PROM1: variants seen among roughly 807,000 people sequenced by gnomAD.
PROM1 encodes prominin-1.
PROM1 carries 105 observed loss-of-function variants against 116.9 expected under a neutral mutation model. The ratio of observed to expected loss-of-function variants is 0.90; its 90% CI spans 0.77 to 1.06. The LOEUF (loss-of-function observed/expected upper bound fraction) is 1.06, where lower values mean the gene tolerates loss of function less well. Ranked by LOEUF, PROM1 falls within the 50% of genes least tolerant of loss-of-function variation. PROM1 has a pLI of 0.00. For missense variants in PROM1, 1,122 were observed against 1,045.2 expected (o/e 1.07, Z -1.01); for synonymous variants, 393 against 387.0 (o/e 1.02, Z -0.18).
At chr4:16,058,802 A>G (rs1456017670) in intron 2 of PROM1, among the ~76,000 whole-genome samples, 1 of 152,218 alleles carries the variant, frequency 6.6e-6, no homozygotes, top group Non-Finnish European at 1.5e-5. Flanking sequence ...AAAAAAGTAA[A>G]TAAGCTTCCA....
chr4:16,053,430 A>C (rs1738309554), intron 2 of PROM1, among the ~76,000 whole-genome samples: 1 of 152,266 alleles, frequency 6.6e-6, no homozygotes, highest in Non-Finnish European at 1.5e-5. Flanking sequence ...AATGTTTAAG[A>C]GTTTCTTTCT....
chr4:16,030,039 C>G (rs892484759), intron 5 of PROM1, among the ~76,000 whole-genome samples: 1 of 152,122 alleles, frequency 6.6e-6, no homozygotes, highest in South Asian at 2.1e-4. Flanking sequence ...TGTCTAACTA[C>G]TCATAATAGA....
chr4:15,998,700 T>A (rs2149172000), intron 14 of PROM1, among the ~76,000 whole-genome samples: 1 of 152,318 alleles, frequency 6.6e-6, no homozygotes, highest in Non-Finnish European at 1.5e-5. Context: ...ATCAAAATTA[T>A]TAAAATTACT....
chr4:16,062,435 A>G (rs1447663927), intron 2 of PROM1, among the ~76,000 whole-genome samples: 1 of 152,220 alleles, frequency 6.6e-6, no homozygotes, highest in Non-Finnish European at 1.5e-5. Flanking sequence ...TAATAAATAA[A>G]TACTACACCA....
At chr4:15,969,764 A>G (rs1312196920) in intron 27 of PROM1, among the ~76,000 whole-genome samples, 1 of 149,794 alleles carries the variant, frequency 6.7e-6, no homozygotes, top group Non-Finnish European at 1.5e-5. Flanking sequence ...TTTAGTAGAG[A>G]TGGGGTTTCT....
chr4:16,022,402 A>G (rs983349340), intron 8 of PROM1, among the ~76,000 whole-genome samples: 4 of 152,196 alleles, frequency 2.6e-5, no homozygotes, highest in African/African-American at 9.6e-5. Context: ...GACCCTTTGC[A>G]GGGTCAAGGA....
At position 15,968,365 on chromosome 4, in the gene PROM1, C is replaced by T. The variant is rs1293352919; in HGVS notation, c.*1028G>A. On this transcript the variant is annotated 3_prime_UTR_variant, in exon 28 of 28. Transcript: ENST00000447510. ...CCGACCAGTTCTTCATTGCTGATCA[C>T]TTTTGATAATGACAGATCCAACATG... The T allele has an allele frequency of 2.6e-5, 4 of 152,192 alleles. No individual in the cohort carries two copies. Among genetic ancestry groups the T allele is most frequent in the Non-Finnish European group, 4.4e-5 (3 of 68,026 alleles). The allele number at this position is 152,192 out of a possible 1,614,324, so 9.4% of individuals were successfully genotyped here. A position where few individuals can be genotyped will look rare whatever the true frequency, so the allele number is the denominator to read the frequency against.
At chr4:16,070,853 T>C (rs1317314545) in intron 2 of PROM1, among the ~76,000 whole-genome samples, 1 of 152,186 alleles carries the variant, frequency 6.6e-6, no homozygotes, top group Non-Finnish European at 1.5e-5. Flanking sequence ...AGAATGTTCC[T>C]AAGGGAACAG....
At chr4:15,974,178 G>A (rs1715478313) in intron 26 of PROM1, among the ~76,000 whole-genome samples, 1 of 151,170 alleles carries the variant, frequency 6.6e-6, no homozygotes, top group Admixed American at 6.6e-5. Flanking sequence ...ATCACAATCC[G>A]AGTGACCTCT....
At chr4:16,036,085 G>T (rs189658696) in intron 3 of PROM1, among the ~76,000 whole-genome samples, 4 of 152,262 alleles carry the variant, frequency 2.6e-5, no homozygotes, top group Admixed American at 2.6e-4. Flanking sequence ...CACTAACCAT[G>T]TGATCTTCAT....
At chr4:16,008,873 G>A (rs1726157773) in intron 12 of PROM1, 76 bp downstream of exon 12, 5 of 1,361,580 alleles carry the variant, frequency 3.7e-6, no homozygotes, top group African/African-American at 1.5e-5. Context: ...GATTATCCTG[G>A]TGCTAATGTC....
chr4:16,042,340 T>C (rs1735510022), intron 2 of PROM1, among the ~76,000 whole-genome samples: 1 of 152,208 alleles, frequency 6.6e-6, no homozygotes, highest in South Asian at 2.1e-4. Flanking sequence ...TGTCCACATT[T>C]GGGAGATGTG....
chr4:16,021,061 A>T (rs1405484187), intron 8 of PROM1, among the ~76,000 whole-genome samples: 2 of 147,014 alleles, frequency 1.4e-5, no homozygotes, highest in African/African-American at 5.0e-5. Context: ...TCTCTCCAAA[A>T]CCCACTAAAC....
intron 26 of PROM1, among the ~76,000 whole-genome samples, chr4:15,975,063 TG>T (rs749965633): frequency 3.9e-5 from 6 of 152,204 alleles, no homozygotes; most frequent in Non-Finnish European, 8.8e-5. Flanking sequence ...GAATCACCTT[TG>T]GGTTCCTTCC....
chr4:15,992,220 G>A, intron 17 of PROM1, 28 bp downstream of exon 17: 1 of 1,604,388 alleles, frequency 6.2e-7, no homozygotes, highest in South Asian at 1.1e-5. Context: ...TTCTCCTAAA[G>A]GATCAAGCAT....
intron 5 of PROM1, among the ~76,000 whole-genome samples, chr4:16,032,614 G>C (rs771664853): frequency 4.6e-5 from 7 of 152,142 alleles, no homozygotes; most frequent in Non-Finnish European, 8.8e-5. Flanking sequence ...AACATAACAA[G>C]GGAACACTGC....
intron 13 of PROM1, among the ~76,000 whole-genome samples, chr4:16,002,248 GAAAT>G: frequency 6.6e-6 from 1 of 152,146 alleles, no homozygotes; most frequent in Non-Finnish European, 1.5e-5. Context: ...GAAAACAAAA[GAAAT>G]AAAAGAAAAG....
chr4:16,048,351 A>G (rs914357229), intron 2 of PROM1, among the ~76,000 whole-genome samples: 2 of 152,012 alleles, frequency 1.3e-5, no homozygotes, highest in Non-Finnish European at 2.9e-5. Context: ...GCATTGAAAA[A>G]CCATTTTCTG....
chr4:16,003,377 G>A (rs1009908399), intron 13 of PROM1: 5 of 456,518 alleles, frequency 1.1e-5, no homozygotes, highest in African/African-American at 4.0e-5. Flanking sequence ...GAAATTATTC[G>A]GCAAAGAGCA....
Sources: allele counts gnomAD v4.1 joint callset (sites outside exome capture counted in the v4.1 genomes callset), GRCh38; gene constraint gnomAD v4.1.1; transcripts MANE v1.5; gene names NCBI Gene and HGNC (gene_info 2026-07-23, HGNC 2026-07-21).